LARGE1: variants seen among roughly 807,000 people sequenced by gnomAD.
LARGE1 encodes xylosyl- and glucuronyltransferase LARGE1.
A neutral mutation model predicts 87.6 loss-of-function variants in LARGE1; 43 were observed. The observed-to-expected ratio is 0.49, with a 90% CI of 0.38 to 0.63. The LOEUF (loss-of-function observed/expected upper bound fraction) is 0.63. Among genes scored for constraint, LARGE1 ranks in the 30% least tolerant of loss-of-function variants. The probability of loss-of-function intolerance (pLI) is 0.00; values close to 1 mark genes in which losing one functional copy is unlikely to be tolerated. For synonymous variants in LARGE1, 434 were observed against 394.6 expected, an observed-to-expected ratio of 1.10 and a Z score of -1.18; for missense variants, 802 against 1,000.2, an observed-to-expected ratio of 0.80 and a Z score of 2.67.
At chr22:33,343,985 T>C (rs930228788) in intron 9 of LARGE1, among the ~76,000 whole-genome samples, 1 of 152,180 alleles carries the variant, frequency 6.6e-6, no homozygotes, top group Non-Finnish European at 1.5e-5. Context: ...GCAGGAAGCA[T>C]CCAGCACGGG....
At chr22:33,118,465 C>A in the LARGE1 span, among the ~76,000 whole-genome samples, 1 of 148,848 alleles carries the variant, frequency 6.7e-6, no homozygotes, top group African/African-American at 2.5e-5. Flanking sequence ...GCACTCCAGC[C>A]TGGGTGACAG....
At chr22:33,205,799 A>G (rs1924644691) in intron 11 of LARGE1, among the ~76,000 whole-genome samples, 1 of 152,098 alleles carries the variant, frequency 6.6e-6, no homozygotes, top group South Asian at 2.1e-4. Context: ...TTTTTTTCCG[A>G]GACAGAGTCT....
At chr22:33,675,318 A>AAAAAAAAAAAAAAAAAAG (rs56272266) in intron 2 of LARGE1, among the ~76,000 whole-genome samples, 1 of 145,906 alleles carries the variant, frequency 6.9e-6, no homozygotes, top group African/African-American at 2.5e-5. Flanking sequence ...AAAAAAAAAA[A>AAAAAAAAAAAAAAAAAAG]GAACACAAGA....
chr22:33,705,937 C>G (rs575306769), intron 2 of LARGE1, among the ~76,000 whole-genome samples: 1 of 152,118 alleles, frequency 6.6e-6, no homozygotes, highest in Non-Finnish European at 1.5e-5. Flanking sequence ...TTAACATGCC[C>G]AGTTTATAGA....
the LARGE1 span, among the ~76,000 whole-genome samples, chr22:33,123,558 G>T: frequency 1.2e-3 from 180 of 152,210 alleles, no homozygotes; most frequent in Middle Eastern, 3.4e-3. Context: ...TTCACTTTTT[G>T]CAAAGAAGGT....
At chr22:33,252,251 TCCC>T (rs34458283) in intron 11 of LARGE1, among the ~76,000 whole-genome samples, 1,733 of 111,558 alleles carry the variant, frequency 0.016, 72 homozygotes, top group African/African-American at 0.05. Flanking sequence ...ATTCCTTCAT[TCCC>T]CCCCCCCCCG....
intron 2 of LARGE1, among the ~76,000 whole-genome samples, chr22:33,653,761 G>A (rs755806411): frequency 6.6e-6 from 1 of 152,160 alleles, no homozygotes; most frequent in Non-Finnish European, 1.5e-5. Flanking sequence ...TGTAAAGCAC[G>A]CTGTATTTTC....
chr22:33,627,029 G>C (rs2079943038), intron 3 of LARGE1, among the ~76,000 whole-genome samples: 1 of 152,224 alleles, frequency 6.6e-6, no homozygotes, highest in African/African-American at 2.4e-5. Flanking sequence ...ACAATGCCAA[G>C]AGGGGAATAT....
intron 2 of LARGE1, among the ~76,000 whole-genome samples, chr22:33,665,574 C>T (rs556378074): frequency 7.2e-5 from 11 of 152,276 alleles, no homozygotes; most frequent in Admixed American, 2.0e-4. Flanking sequence ...TTCTCTGAAA[C>T]GGGTTTATTG....
the LARGE1 span, among the ~76,000 whole-genome samples, chr22:33,081,692 C>T: frequency 1.3e-5 from 2 of 152,028 alleles, no homozygotes; most frequent in Admixed American, 6.6e-5. Flanking sequence ...GCATAAAATA[C>T]CAGAGGTTTT....
chr22:33,367,590 C>G (rs1295209672), intron 9 of LARGE1, among the ~76,000 whole-genome samples: 1 of 151,978 alleles, frequency 6.6e-6, no homozygotes, highest in Non-Finnish European at 1.5e-5. Context: ...CCCATCCCCC[C>G]ATTTATTTAT....
intron 9 of LARGE1, among the ~76,000 whole-genome samples, chr22:33,354,027 G>C (rs1437223510): frequency 1.3e-5 from 2 of 152,214 alleles, no homozygotes; most frequent in Non-Finnish European, 2.9e-5. Context: ...ACACAGCTTT[G>C]CTGGCTAACT....
intron 2 of LARGE1, chr22:33,724,926 G>T (rs1330960978): frequency 6.6e-6 from 1 of 152,450 alleles, no homozygotes; most frequent in Non-Finnish European, 1.5e-5. Context: ...GGAAGGAAAG[G>T]TGGGGTGGGA....
intron 6 of LARGE1, among the ~76,000 whole-genome samples, chr22:33,450,638 A>C (rs994709876): frequency 5.9e-5 from 4 of 67,554 alleles, no homozygotes; most frequent in Non-Finnish European, 1.2e-4. Context: ...TAAATAAATA[A>C]ATGGATCTCA....
the LARGE1 span, among the ~76,000 whole-genome samples, chr22:33,094,763 G>A: frequency 9.2e-5 from 14 of 152,288 alleles, no homozygotes; most frequent in African/African-American, 2.6e-4. Context: ...TTGTCGCCCA[G>A]GCTGGAGCGC....
intron 11 of LARGE1, among the ~76,000 whole-genome samples, chr22:33,186,768 T>A (rs973074854): frequency 1.7e-4 from 26 of 152,304 alleles, no homozygotes; most frequent in Admixed American, 3.9e-4. Context: ...ACTTAATATG[T>A]GAGTTTAGCA....
downstream of LARGE1, among the ~76,000 whole-genome samples, chr22:33,159,443 G>T (rs1921954364): frequency 6.6e-6 from 1 of 151,828 alleles, no homozygotes; most frequent in Non-Finnish European, 1.5e-5. Context: ...TCCCTAGTGT[G>T]CAATCATAAA....
At chr22:33,514,591 T>C (rs914825455) in intron 6 of LARGE1, among the ~76,000 whole-genome samples, 1 of 152,202 alleles carries the variant, frequency 6.6e-6, no homozygotes, top group Non-Finnish European at 1.5e-5. Flanking sequence ...GAGATGTGCA[T>C]AGATTGTATG....
the LARGE1 span, among the ~76,000 whole-genome samples, chr22:33,144,726 C>T: frequency 6.6e-6 from 1 of 152,074 alleles, no homozygotes; most frequent in Non-Finnish European, 1.5e-5. Flanking sequence ...TTAATTCATT[C>T]ACCACCCAAG....
Sources: allele counts gnomAD v4.1 joint callset (sites outside exome capture counted in the v4.1 genomes callset), GRCh38; gene constraint gnomAD v4.1.1; transcripts MANE v1.5; gene names NCBI Gene and HGNC (gene_info 2026-07-23, HGNC 2026-07-21).